PTPRG: variants seen among roughly 807,000 people sequenced by gnomAD.
The protein encoded by PTPRG is protein tyrosine phosphatase receptor type G, also known as receptor-type tyrosine-protein phosphatase gamma.
In PTPRG, 102 loss-of-function variants were observed where a neutral mutation model predicts 165.3. The ratio of observed to expected loss-of-function variants is 0.62; its 90% CI spans 0.53 to 0.73. PTPRG has a LOEUF of 0.73. Ranked by LOEUF, PTPRG falls within the 30% of genes least tolerant of loss-of-function variation. The probability of loss-of-function intolerance (pLI) is 0.00; values close to 1 mark genes in which losing one functional copy is unlikely to be tolerated. For synonymous variants in PTPRG, 675 were observed against 669.5 expected (o/e 1.01, Z -0.13); for missense variants, 1,866 against 1,861.4 (o/e 1.00, Z -0.05).
intron 2 of PTPRG, among the ~76,000 whole-genome samples, chr3:61,881,444 T>A (rs1006632064): frequency 6.6e-6 from 1 of 152,170 alleles, no homozygotes; most frequent in African/African-American, 2.4e-5. Context: ...TTTACAAATA[T>A]GCAACACAGC....
intron 1 of PTPRG, among the ~76,000 whole-genome samples, chr3:61,615,950 A>G (rs936365454): frequency 1.3e-5 from 2 of 151,996 alleles, no homozygotes; most frequent in Admixed American, 6.6e-5. Flanking sequence ...TTATTTACTT[A>G]TTTGTTTGTT....
At chr3:61,678,073 A>G (rs1041051965) in intron 1 of PTPRG, among the ~76,000 whole-genome samples, 24 of 152,222 alleles carry the variant, frequency 1.6e-4, no homozygotes, top group African/African-American at 5.8e-4. Context: ...TATCATCATT[A>G]GACAAACAGT....
chr3:62,160,023 C>T (rs544773979), intron 7 of PTPRG, among the ~76,000 whole-genome samples: 15 of 152,304 alleles, frequency 9.8e-5, no homozygotes, highest in Admixed American at 4.6e-4. Flanking sequence ...ACAGCCAATT[C>T]GGAAAAGCCA....
intron 2 of PTPRG, among the ~76,000 whole-genome samples, chr3:61,802,707 G>GTC (rs552495743): frequency 7.0e-4 from 106 of 152,216 alleles, no homozygotes; most frequent in Admixed American, 1.6e-3. Context: ...CTTTCTGACT[G>GTC]TCTGTCTCTG....
intron 5 of PTPRG, among the ~76,000 whole-genome samples, chr3:62,116,944 G>C (rs1702889174): frequency 6.6e-6 from 1 of 152,118 alleles, no homozygotes; most frequent in South Asian, 2.1e-4. Context: ...CTAATGCACA[G>C]GCAATAATTT....
intron 1 of PTPRG, among the ~76,000 whole-genome samples, chr3:61,641,643 G>C (rs1048938824): frequency 5.9e-5 from 9 of 152,156 alleles, no homozygotes; most frequent in Non-Finnish European, 1.3e-4. Context: ...CTGTTTAAAA[G>C]ATGGGTCATC....
chr3:62,152,889 C>A (rs28497382), intron 6 of PTPRG, among the ~76,000 whole-genome samples: 1 of 152,124 alleles, frequency 6.6e-6, no homozygotes, highest in African/African-American at 2.4e-5. Context: ...AGAATATGAC[C>A]GAAGGCCAAA....
At chr3:61,843,824 TA>T (rs555463428) in intron 2 of PTPRG, among the ~76,000 whole-genome samples, 93 of 144,400 alleles carry the variant, frequency 6.4e-4, no homozygotes, top group Middle Eastern at 3.5e-3. Flanking sequence ...GACATTTCTT[TA>T]AAAAAAAAAA....
chr3:62,073,648 AT>A (rs1161939003), intron 4 of PTPRG, among the ~76,000 whole-genome samples: 4 of 152,018 alleles, frequency 2.6e-5, no homozygotes, highest in Admixed American at 1.3e-4. Flanking sequence ...CACCTGGCTA[AT>A]TTTTGTATTT....
chr3:61,973,396 T>A (rs529572247), intron 2 of PTPRG, among the ~76,000 whole-genome samples: 107 of 152,352 alleles, frequency 7.0e-4, no homozygotes, highest in African/African-American at 2.5e-3. Flanking sequence ...CTTGCATCAT[T>A]CAGGGTTTAG....
chr3:61,738,279 CATATATAT>C (rs1169177844), intron 1 of PTPRG, among the ~76,000 whole-genome samples: 18 of 15,498 alleles, frequency 1.2e-3, no homozygotes, highest in South Asian at 3.9e-3. Flanking sequence ...TATATATATA[CATATATAT>C]ATATATATAT....
chr3:61,740,890 C>G (rs1052285542), intron 1 of PTPRG, among the ~76,000 whole-genome samples: 1 of 152,006 alleles, frequency 6.6e-6, no homozygotes. Flanking sequence ...TTGAGGTTAG[C>G]TCAGTATTAC....
intron 2 of PTPRG, among the ~76,000 whole-genome samples, chr3:61,809,404 C>G (rs1340825025): frequency 6.6e-6 from 1 of 151,766 alleles, no homozygotes; most frequent in Non-Finnish European, 1.5e-5. Context: ...TGAGCTGAGC[C>G]CAGAAGAATA....
intron 4 of PTPRG, among the ~76,000 whole-genome samples, chr3:62,037,844 A>G (rs752152945): frequency 3.3e-5 from 5 of 152,128 alleles, no homozygotes; most frequent in African/African-American, 7.2e-5. Context: ...GTCTCTTCTT[A>G]TAAAGGTGCT....
intron 12 of PTPRG, among the ~76,000 whole-genome samples, chr3:62,204,755 G>A (rs937455620): frequency 2.0e-5 from 3 of 152,164 alleles, no homozygotes; most frequent in Non-Finnish European, 4.4e-5. Context: ...CCATTGCTGT[G>A]GGAATGAGCC....
chr3:61,747,094 G>A (rs571130763), intron 1 of PTPRG, among the ~76,000 whole-genome samples: 1 of 150,380 alleles, frequency 6.6e-6, no homozygotes, highest in Admixed American at 6.7e-5. Flanking sequence ...CTGCACTCCA[G>A]CCTGTTCGAC....
intron 1 of PTPRG, among the ~76,000 whole-genome samples, chr3:61,643,159 GA>G (rs1559536995): frequency 6.6e-6 from 1 of 152,178 alleles, no homozygotes; most frequent in African/African-American, 2.4e-5. Flanking sequence ...ACATATCCAT[GA>G]AAGTCTGTAG....
intron 2 of PTPRG, among the ~76,000 whole-genome samples, chr3:61,834,048 A>G: frequency 6.6e-6 from 1 of 152,214 alleles, no homozygotes; most frequent in East Asian, 1.9e-4. Flanking sequence ...ATTTCAGAAG[A>G]TGCTTTTCTT....
At chr3:61,631,829 T>A (rs1300532583) in intron 1 of PTPRG, among the ~76,000 whole-genome samples, 1 of 151,926 alleles carries the variant, frequency 6.6e-6, no homozygotes, top group East Asian at 1.9e-4. Flanking sequence ...GCACTGGAGG[T>A]ACAGATATAA....
Sources: gnomAD v4.1 joint callset for allele counts (sites outside exome capture counted in the v4.1 genomes callset) on GRCh38, gnomAD v4.1.1 for gene constraint, MANE v1.5 for transcripts, NCBI Gene and HGNC (gene_info 2026-07-23, HGNC 2026-07-21) for gene names.